LHFPL3: variants seen among roughly 807,000 people sequenced by gnomAD.
LHFPL3 encodes LHFPL tetraspan subfamily member 3.
LHFPL3 carries 5 observed loss-of-function variants against 19.3 expected under a neutral mutation model. The observed-to-expected ratio is 0.26, with a 90% CI of 0.14 to 0.54. LHFPL3 has a LOEUF of 0.54. Among genes scored for constraint, LHFPL3 ranks in the 20% least tolerant of loss-of-function variants. The pLI is 0.94. For synonymous variants in LHFPL3, 133 were observed against 126.2 expected (o/e 1.05, Z -0.36); for missense variants, 249 against 307.4 (o/e 0.81, Z 1.42).
At chr7:104,812,206 A>G (rs1790482387) in intron 2 of LHFPL3, among the ~76,000 whole-genome samples, 1 of 152,232 alleles carries the variant, frequency 6.6e-6, no homozygotes, top group Non-Finnish European at 1.5e-5. Flanking sequence ...ACTTCAATTC[A>G]GTAATTTGCT....
intron 1 of LHFPL3, among the ~76,000 whole-genome samples, chr7:104,372,008 G>A (rs1046994404): frequency 7.9e-5 from 12 of 152,292 alleles, no homozygotes; most frequent in Admixed American, 5.2e-4. Flanking sequence ...TTAGTATTTC[G>A]TTTCCATGAA....
chr7:104,533,719 G>C (rs919167182), intron 1 of LHFPL3, among the ~76,000 whole-genome samples: 1 of 152,170 alleles, frequency 6.6e-6, no homozygotes, highest in South Asian at 2.1e-4. Context: ...TACTGCTCTT[G>C]TCCAACTGGT....
intron 1 of LHFPL3, among the ~76,000 whole-genome samples, chr7:104,521,144 T>G (rs1446497700): frequency 6.6e-6 from 1 of 152,218 alleles, no homozygotes; most frequent in Non-Finnish European, 1.5e-5. Context: ...TCTGGTATGT[T>G]GTGTCTTTGT....
At chr7:104,719,133 C>G (rs1398675702) in intron 1 of LHFPL3, among the ~76,000 whole-genome samples, 1 of 151,818 alleles carries the variant, frequency 6.6e-6, no homozygotes. Flanking sequence ...TTACTGAAAT[C>G]CAAAGAAGTT....
At chr7:104,457,479 G>A (rs1187483398) in intron 1 of LHFPL3, among the ~76,000 whole-genome samples, 2 of 152,012 alleles carry the variant, frequency 1.3e-5, no homozygotes, top group African/African-American at 4.8e-5. Flanking sequence ...ATTCCATGGT[G>A]TATATGTGCC....
intron 2 of LHFPL3, among the ~76,000 whole-genome samples, chr7:104,758,548 G>C (rs1794323221): frequency 2.0e-5 from 3 of 152,032 alleles, no homozygotes. Context: ...TCAAGCAGGT[G>C]TCCTATATTT....
intron 1 of LHFPL3, among the ~76,000 whole-genome samples, chr7:104,484,653 G>T (rs1793204441): frequency 6.6e-6 from 1 of 152,284 alleles, no homozygotes; most frequent in East Asian, 1.9e-4. Context: ...TGGGTAATTT[G>T]TAAAGAACAG....
chr7:104,458,176 A>G, intron 1 of LHFPL3, among the ~76,000 whole-genome samples: 1 of 151,802 alleles, frequency 6.6e-6, no homozygotes, highest in Non-Finnish European at 1.5e-5. Context: ...TGTTTTAGAC[A>G]TGAAGTCCTT....
Sources: gnomAD v4.1 joint callset for allele counts (sites outside exome capture counted in the v4.1 genomes callset) on GRCh38, gnomAD v4.1.1 for gene constraint, MANE v1.5 for transcripts, NCBI Gene and HGNC (gene_info 2026-07-23, HGNC 2026-07-21) for gene names.